SGCZ: variants seen among roughly 807,000 people sequenced by gnomAD.
The protein encoded by SGCZ is sarcoglycan zeta, also known as zeta-sarcoglycan.
SGCZ carries 40 observed loss-of-function variants against 41.3 expected under a neutral mutation model. The observed-to-expected ratio is 0.97, with a 90% CI of 0.75 to 1.26. SGCZ has a LOEUF of 1.26. SGCZ is among the 50% of genes most tolerant of loss of function. The probability of loss-of-function intolerance (pLI) is 0.00; values close to 1 mark genes in which losing one functional copy is unlikely to be tolerated. For synonymous variants in SGCZ, 206 were observed against 137.5 expected (o/e 1.50, Z -3.49); for missense variants, 552 against 369.8 (o/e 1.49, Z -4.04).
intron 1 of SGCZ, among the ~76,000 whole-genome samples, chr8:14,645,484 G>GTATA (rs71209072): frequency 0.041 from 5,508 of 135,718 alleles, 242 homozygotes; most frequent in Middle Eastern, 0.1. Context: ...ATATTTATAT[G>GTATA]TATATATATA....
At chr8:14,903,518 C>A (rs1345775603) in intron 1 of SGCZ, among the ~76,000 whole-genome samples, 1 of 151,916 alleles carries the variant, frequency 6.6e-6, no homozygotes, top group African/African-American at 2.4e-5. Flanking sequence ...GTATTTGAGT[C>A]TATTTATTGA....
intron 1 of SGCZ, among the ~76,000 whole-genome samples, chr8:14,860,708 G>GAAAGAAAGAAAGAAAGAAAGAA (rs1554513265): frequency 9.5e-4 from 126 of 132,752 alleles, no homozygotes; most frequent in African/African-American, 3.4e-3. Flanking sequence ...AAGAAAGAAA[G>GAAAGAAAGAAAGAAAGAAAGAA]AGAAAGAAAG....
intron 5 of SGCZ, among the ~76,000 whole-genome samples, chr8:14,117,657 C>T (rs907649110): frequency 1.3e-5 from 2 of 151,518 alleles, no homozygotes; most frequent in Non-Finnish European, 2.9e-5. Context: ...CATAGGTATA[C>T]GTGTGCCATA....
chr8:14,762,618 T>G (rs1008896261), intron 1 of SGCZ, among the ~76,000 whole-genome samples: 1 of 152,220 alleles, frequency 6.6e-6, no homozygotes, highest in East Asian at 1.9e-4. Context: ...GGTCTCATCA[T>G]AAATTCAAAG....
At chr8:14,813,954 AAACT>A (rs145393389) in intron 1 of SGCZ, among the ~76,000 whole-genome samples, 9,344 of 152,160 alleles carry the variant, frequency 0.061, 943 homozygotes, top group African/African-American at 0.21. Context: ...CTATGTCTCA[AAACT>A]AACTAAGCAA....
intron 2 of SGCZ, among the ~76,000 whole-genome samples, chr8:14,403,349 G>T (rs1370591005): frequency 1.3e-5 from 2 of 150,722 alleles, no homozygotes; most frequent in Non-Finnish European, 2.9e-5. Flanking sequence ...GGTGAGAGAG[G>T]GCATCCCTGT....
intron 2 of SGCZ, chr8:14,487,995 C>T (rs1330972075): frequency 1.4e-5 from 1 of 71,424 alleles, no homozygotes; most frequent in Non-Finnish European, 2.9e-5. Context: ...AGTGGTTAAT[C>T]AGGAACCCCA....
At chr8:15,130,991 C>T (rs1345624072) in intron 1 of SGCZ, among the ~76,000 whole-genome samples, 1 of 152,086 alleles carries the variant, frequency 6.6e-6, no homozygotes, top group African/African-American at 2.4e-5. Context: ...AACTCAGCAG[C>T]CTGTAGTTTC....
At chr8:14,698,959 G>A (rs1809050455) in intron 1 of SGCZ, among the ~76,000 whole-genome samples, 1 of 151,798 alleles carries the variant, frequency 6.6e-6, no homozygotes, top group Non-Finnish European at 1.5e-5. Context: ...GCTGCCATAA[G>A]TATATAAGAT....
rs558896858 is a variant in SGCZ at position 14,444,284 on chromosome 8, C to T, written c.234+110448G>A. Among the ~76,000 whole-genome samples the T allele has an allele frequency of 3.9e-4, 59 of 152,238 alleles. 1 individual carries two copies. The highest frequency in any genetic ancestry group is 1.3e-3 in the African/African-American group (55 of 41,542). On this transcript the variant is annotated intron_variant, in intron 2 of 7. Coordinates refer to ENST00000382080, the MANE Select transcript of SGCZ (RefSeq NM_139167.4). ...CCTCAGGGATCTAGAACTAGAAATA[C>T]CATTTATCCCAGCCTTTCCATTACT...
intron 5 of SGCZ, among the ~76,000 whole-genome samples, chr8:14,144,627 T>C (rs1563151764): frequency 1.3e-5 from 2 of 152,190 alleles, no homozygotes; most frequent in East Asian, 3.9e-4. Flanking sequence ...CCAAGTCTTG[T>C]ATCTTAAGTA....
chr8:14,990,002 A>C (rs1585443561), intron 1 of SGCZ, among the ~76,000 whole-genome samples: 1 of 152,168 alleles, frequency 6.6e-6, no homozygotes, highest in East Asian at 1.9e-4. Flanking sequence ...TATTAATAAA[A>C]TAGCTGCCTA....
chr8:14,783,267 C>T (rs1800646184), intron 1 of SGCZ, among the ~76,000 whole-genome samples: 1 of 152,058 alleles, frequency 6.6e-6, no homozygotes, highest in Non-Finnish European at 1.5e-5. Context: ...AAGCCAGTAT[C>T]TACTGAAGAT....
At chr8:14,778,747 G>A (rs2130426551) in intron 1 of SGCZ, among the ~76,000 whole-genome samples, 1 of 152,278 alleles carries the variant, frequency 6.6e-6, no homozygotes, top group East Asian at 1.9e-4. Context: ...TGAGTAATCA[G>A]AGAAATGCAG....
chr8:14,096,627 T>C lies in SGCZ; in HGVS notation c.744+5749A>G, dbSNP rs146784932. Among the ~76,000 whole-genome samples the C allele has an allele frequency of 2.6e-3, 395 of 152,216 alleles. 1 individual carries two copies. Among genetic ancestry groups the C allele is most frequent in the African/African-American group, 8.9e-3 (370 of 41,522 alleles). ...GATGATGCTGGACTCATAAAGTGAG[T>C]TAGGGAGGATTCCCTCTTTTTCTAT... On this transcript the variant is annotated intron_variant, in intron 7 of 7. Transcript: ENST00000382080.
chr8:14,939,678 A>T (rs536061914), intron 1 of SGCZ, among the ~76,000 whole-genome samples: 9 of 152,258 alleles, frequency 5.9e-5, no homozygotes, highest in African/African-American at 2.2e-4. Flanking sequence ...ATTTTGTACG[A>T]GCTCATAAAA....
chr8:14,957,317 A>C (rs1427902492), intron 1 of SGCZ, among the ~76,000 whole-genome samples: 1 of 152,230 alleles, frequency 6.6e-6, no homozygotes, highest in Admixed American at 6.5e-5. Context: ...GGTTACCATA[A>C]AACTTTTGTA....
intron 1 of SGCZ, among the ~76,000 whole-genome samples, chr8:15,103,058 T>C (rs1205596807): frequency 6.6e-6 from 1 of 152,116 alleles, no homozygotes; most frequent in Non-Finnish European, 1.5e-5. Context: ...CAATGTCATG[T>C]ATGGTGAGTT....
chr8:14,742,128 C>A (rs1276289023), intron 1 of SGCZ, among the ~76,000 whole-genome samples: 2 of 151,778 alleles, frequency 1.3e-5, no homozygotes, highest in Non-Finnish European at 2.9e-5. Context: ...ATATTCTAGA[C>A]AAGAAACATG....
Sources: allele counts gnomAD v4.1 joint callset (sites outside exome capture counted in the v4.1 genomes callset), GRCh38; gene constraint gnomAD v4.1.1; transcripts MANE v1.5; gene names NCBI Gene and HGNC (gene_info 2026-07-23, HGNC 2026-07-21).